ARHGAP15: variants seen among roughly 807,000 people sequenced by gnomAD.
ARHGAP15 encodes rho GTPase-activating protein 15.
In ARHGAP15, 51 loss-of-function variants were observed where a neutral mutation model predicts 63.7. That is an observed-to-expected ratio of 0.80 (90% CI 0.64 to 1.01). ARHGAP15 has a LOEUF of 1.01. Ranked by LOEUF, ARHGAP15 falls within the 50% of genes least tolerant of loss-of-function variation. The pLI, the probability that ARHGAP15 is intolerant of heterozygous loss-of-function variation, is 0.00. For missense variants in ARHGAP15, 560 were observed against 564.6 expected (o/e 0.99, Z 0.08); for synonymous variants, 191 against 193.8 (o/e 0.99, Z 0.12).
intron 13 of ARHGAP15, chr2:143,741,106 T>C: frequency 6.6e-6 from 1 of 152,322 alleles, no homozygotes; most frequent in Non-Finnish European, 1.5e-5. Flanking sequence ...TGCCCAGTAG[T>C]GGTCCCTTGG....
In ARHGAP15 at chr2:143,372,011, G is replaced by GAAATAAATAAATAAAT. The variant is rs10530096; in HGVS notation, c.475-63568_475-63553dup. On this transcript the variant is annotated intron_variant, in intron 6 of 13. Transcript: ENST00000295095. The stretch of plus-strand genomic sequence containing the variant: ...ACTACCTGTTCCCCACGAGCCTATG[G>GAAATAAATAAATAAAT]AAATAAATAAATAAATAAATAAATA... 4.7e-5 allele frequency among the ~76,000 whole-genome samples: 7 copies of GAAATAAATAAATAAAT among 148,022 alleles called. No homozygotes were observed. In the East Asian group the frequency reaches 8.0e-4, roughly 17 times the overall value.
intron 6 of ARHGAP15, among the ~76,000 whole-genome samples, chr2:143,361,756 T>A (rs1053363385): frequency 2.0e-5 from 3 of 152,252 alleles, no homozygotes; most frequent in African/African-American, 2.4e-5. Context: ...CTACCATAGG[T>A]TCATAAACAA....
At chr2:143,353,821 T>C (rs1002073336) in intron 6 of ARHGAP15, among the ~76,000 whole-genome samples, 3 of 152,156 alleles carry the variant, frequency 2.0e-5, no homozygotes, top group African/African-American at 7.2e-5. Flanking sequence ...GGATTTTTGT[T>C]TATAAATATT....
chr2:143,299,193 T>G (rs528757744), intron 6 of ARHGAP15, among the ~76,000 whole-genome samples: 1 of 151,940 alleles, frequency 6.6e-6, no homozygotes, highest in Non-Finnish European at 1.5e-5. Flanking sequence ...AACTTATCCA[T>G]TATGAAACAT....
At chr2:143,375,702 T>A (rs1468674693) in intron 6 of ARHGAP15, among the ~76,000 whole-genome samples, 1 of 152,146 alleles carries the variant, frequency 6.6e-6, no homozygotes, top group Non-Finnish European at 1.5e-5. Flanking sequence ...TTGCATAACT[T>A]GAAGATAAAG....
At chr2:143,612,034 T>C (rs1324931674) in intron 11 of ARHGAP15, among the ~76,000 whole-genome samples, 1 of 152,224 alleles carries the variant, frequency 6.6e-6, no homozygotes, top group African/African-American at 2.4e-5. Flanking sequence ...CATTATTCTA[T>C]TTCCTACAGA....
At chr2:143,763,445 ATG>A (rs1686833253) in intron 13 of ARHGAP15, among the ~76,000 whole-genome samples, 7 of 152,086 alleles carry the variant, frequency 4.6e-5, no homozygotes, top group African/African-American at 1.7e-4. Flanking sequence ...TAATATGAGA[ATG>A]TATTAGTCAA....
At chr2:143,208,399 T>C (rs533518066) in intron 3 of ARHGAP15, among the ~76,000 whole-genome samples, 1 of 152,334 alleles carries the variant, frequency 6.6e-6, no homozygotes, top group African/African-American at 2.4e-5. Context: ...ATGCTCCCTC[T>C]CTTAATGTTC....
intron 9 of ARHGAP15, 120 bp from the exon 10 acceptor site, chr2:143,519,146 C>CAAA (rs148946445): frequency 1.6e-6 from 1 of 612,952 alleles, no homozygotes; most frequent in Non-Finnish European, 2.8e-6. Flanking sequence ...GGAAATAAAG[C>CAAA]AAAAAAAAAA....
chr2:143,533,048 TTTC>T (rs1389609223), intron 10 of ARHGAP15, among the ~76,000 whole-genome samples: 2 of 152,200 alleles, frequency 1.3e-5, no homozygotes, highest in Non-Finnish European at 2.9e-5. Context: ...TTTCTTGAAG[TTTC>T]TTCTTGTCTA....
chr2:143,424,122 G>A (rs556255199), intron 6 of ARHGAP15, among the ~76,000 whole-genome samples: 3 of 152,050 alleles, frequency 2.0e-5, no homozygotes, highest in East Asian at 1.9e-4. Context: ...CACTCGTGGA[G>A]CTCTGTAAAC....
chr2:143,760,164 T>G (rs900119289), intron 13 of ARHGAP15, among the ~76,000 whole-genome samples: 1 of 152,208 alleles, frequency 6.6e-6, no homozygotes, highest in African/African-American at 2.4e-5. Flanking sequence ...TATGAACTAA[T>G]AAATGGTTAC....
chr2:143,575,200 G>A (rs569911682), intron 11 of ARHGAP15, among the ~76,000 whole-genome samples: 121 of 152,168 alleles, frequency 8.0e-4, no homozygotes, highest in African/African-American at 2.7e-3. Context: ...AAAACTGTGC[G>A]CAGACACACA....
intron 1 of ARHGAP15, among the ~76,000 whole-genome samples, chr2:143,153,873 T>C (rs374557589): frequency 0.23 from 10,050 of 43,942 alleles, 941 homozygotes; most frequent in South Asian, 0.42. Context: ...CCTCCTCCTC[T>C]TCCTCCTCCT....
intron 10 of ARHGAP15, among the ~76,000 whole-genome samples, chr2:143,530,040 C>A (rs911734716): frequency 1.3e-5 from 2 of 152,116 alleles, no homozygotes; most frequent in African/African-American, 4.8e-5. Context: ...GATGAAGAGA[C>A]AAATATTATC....
intron 13 of ARHGAP15, among the ~76,000 whole-genome samples, chr2:143,723,941 A>G (rs1685171564): frequency 6.6e-6 from 1 of 152,198 alleles, no homozygotes; most frequent in African/African-American, 2.4e-5. Flanking sequence ...ACTGGGCTCC[A>G]GCCCCAGCTT....
chr2:143,738,249 G>A (rs1245139945), intron 13 of ARHGAP15, among the ~76,000 whole-genome samples: 1 of 138,790 alleles, frequency 7.2e-6, no homozygotes, highest in African/African-American at 2.5e-5. Context: ...CTGTGCCTCA[G>A]GAAGTTAAAT....
At chr2:143,677,478 T>C (rs1295164741) in intron 12 of ARHGAP15, among the ~76,000 whole-genome samples, 1 of 152,232 alleles carries the variant, frequency 6.6e-6, no homozygotes, top group East Asian at 1.9e-4. Context: ...TTCTGTGCCT[T>C]GCATTTTAAT....
chr2:143,242,290 A>G (rs905446831), intron 5 of ARHGAP15, among the ~76,000 whole-genome samples: 1 of 152,370 alleles, frequency 6.6e-6, no homozygotes, highest in South Asian at 2.1e-4. Flanking sequence ...TTGCCCAGGC[A>G]GGGCTGGTCA....
Sources: allele counts gnomAD v4.1 joint callset (sites outside exome capture counted in the v4.1 genomes callset), GRCh38; gene constraint gnomAD v4.1.1; transcripts MANE v1.5; gene names NCBI Gene and HGNC (gene_info 2026-07-23, HGNC 2026-07-21).